The following NUMB variants were observed in gnomAD, a reference collection of about 807,000 sequenced individuals.
NUMB encodes NUMB endocytic adaptor protein, also known as protein numb homolog.
In NUMB, 29 loss-of-function variants were observed where a neutral mutation model predicts 59.7. The observed-to-expected ratio is 0.49, with a 90% CI of 0.36 to 0.66. The LOEUF (loss-of-function observed/expected upper bound fraction) is 0.66. Among genes scored for constraint, NUMB ranks in the 30% least tolerant of loss-of-function variants. The probability of loss-of-function intolerance (pLI) is 0.00; values close to 1 mark genes in which losing one functional copy is unlikely to be tolerated. For missense variants in NUMB, 723 were observed against 822.0 expected, an observed-to-expected ratio of 0.88 and a Z score of 1.47; for synonymous variants, 288 against 288.2, an observed-to-expected ratio of 1.00 and a Z score of 0.01.
intron 4 of NUMB, among the ~76,000 whole-genome samples, chr14:73,352,533 T>G (rs1295959691): frequency 2.3e-4 from 15 of 66,554 alleles, no homozygotes; most frequent in African/African-American, 7.6e-4. Context: ...TATATATGTT[T>G]TTTTTTTTTT....
chr14:73,310,429 A>T (rs1480124636), intron 6 of NUMB, among the ~76,000 whole-genome samples: 2 of 152,210 alleles, frequency 1.3e-5, no homozygotes, highest in Non-Finnish European at 2.9e-5. Context: ...ATGTTTGTGG[A>T]AGTATTCAGG....
Position 73,282,480 on chromosome 14 carries a change from C to G in NUMB, c.975G>C (p.Glu325Asp). 1 of 1,614,000 alleles carries G rather than the reference C, an allele frequency of 6.2e-7. No homozygotes were observed. Among genetic ancestry groups the G allele is most frequent in the Non-Finnish European group, 8.5e-7 (1 of 1,179,966 alleles). ...TCTGTGAGCACAGGGAGCTGATGCT[C>G]TCTGCCTCCCCTTCTACTTCTGGCA... is the stretch of plus-strand genomic sequence containing the variant. ...NAVPEVEGEA[E>D]SISSLCSQIT... Residue 325 changes from glutamate (E) to aspartate (D), a missense_variant, in exon 11 of 13, where the codon GAG becomes GAC. Physicochemically the swap from Glu to Asp is conservative, Grantham distance 45. Transcript: ENST00000555238.
intron 5 of NUMB, among the ~76,000 whole-genome samples, chr14:73,318,498 C>A (rs1891203401): frequency 6.6e-6 from 1 of 152,110 alleles, no homozygotes; most frequent in Non-Finnish European, 1.5e-5. Context: ...GAGGGAGAGA[C>A]ATTTAAGAAA....
In NUMB at chr14:73,408,892, AG is replaced by A. The variant is rs201092143; in HGVS notation, c.-101+1044del. On this transcript the variant is annotated intron_variant, in intron 2 of 12. Coordinates refer to ENST00000555238, the MANE Select transcript of NUMB (RefSeq NM_001005743.2). ...AACTCCTTCTCAAAAAAAAAAAAAA[AG>A]AAAGAAAGAAAGAAAGAAAATTCCA... Among the ~76,000 whole-genome samples the A allele has an allele frequency of 2.8e-3, 398 of 143,576 alleles. 15 individuals carry two copies. The highest frequency in any genetic ancestry group is 0.019 in the South Asian group (87 of 4,672). 94.2% of individuals were successfully genotyped at this position (143,576 alleles called of 152,430 possible). A position where few individuals can be genotyped will look rare whatever the true frequency, so the allele number is the denominator to read the frequency against.
At chr14:73,449,924 G>C (rs1883807023) in intron 1 of NUMB, among the ~76,000 whole-genome samples, 2 of 152,164 alleles carry the variant, frequency 1.3e-5, no homozygotes, top group Non-Finnish European at 2.9e-5. Flanking sequence ...CTGACCTCAG[G>C]TGATCCGCCC....
intron 4 of NUMB, among the ~76,000 whole-genome samples, chr14:73,339,539 C>T (rs1036421534): frequency 1.3e-5 from 2 of 152,126 alleles, no homozygotes; most frequent in African/African-American, 4.8e-5. Context: ...ATTTCCTAAC[C>T]ATCCCATTTT....
chr14:73,320,637 T>C (rs1891351637), intron 5 of NUMB, among the ~76,000 whole-genome samples: 1 of 152,190 alleles, frequency 6.6e-6, no homozygotes, highest in Non-Finnish European at 1.5e-5. Flanking sequence ...TATTTGATTA[T>C]GGTTATTGTA....
At chr14:73,422,140 T>TA (rs1234257146) in intron 1 of NUMB, among the ~76,000 whole-genome samples, 1 of 86,772 alleles carries the variant, frequency 1.2e-5, no homozygotes, top group Non-Finnish European at 2.2e-5. Flanking sequence ...CGAGACTTCG[T>TA]CAAAAAAAAA....
chr14:73,308,247 G>A (rs927087803), intron 6 of NUMB, among the ~76,000 whole-genome samples: 2 of 152,134 alleles, frequency 1.3e-5, no homozygotes, highest in Non-Finnish European at 2.9e-5. Context: ...TGTTGATGGA[G>A]TGGATGTAGG....
chr14:73,378,060 CAGTA>C (rs1895057076), intron 2 of NUMB, among the ~76,000 whole-genome samples: 4 of 150,734 alleles, frequency 2.7e-5, no homozygotes, highest in African/African-American at 9.7e-5. Context: ...TAAAACTTAA[CAGTA>C]AGAAAACTAA....
intron 8 of NUMB, among the ~76,000 whole-genome samples, chr14:73,288,314 A>T (rs1485523969): frequency 6.6e-6 from 1 of 152,136 alleles, no homozygotes. Flanking sequence ...GCACTTTGGG[A>T]GGCTGAGATG....
At chr14:73,347,281 T>A (rs1452687859) in intron 4 of NUMB, among the ~76,000 whole-genome samples, 1 of 152,214 alleles carries the variant, frequency 6.6e-6, no homozygotes, top group Non-Finnish European at 1.5e-5. Context: ...ATTCAAAAAA[T>A]TTTAACAGCT....
intron 1 of NUMB, among the ~76,000 whole-genome samples, chr14:73,414,042 C>G (rs1897016304): frequency 1.3e-5 from 2 of 151,778 alleles, no homozygotes; most frequent in African/African-American, 4.8e-5. Flanking sequence ...ACAACCTCCA[C>G]CTCTCGGGTT....
intron 6 of NUMB, among the ~76,000 whole-genome samples, chr14:73,301,292 T>G (rs1890115364): frequency 6.6e-6 from 1 of 152,208 alleles, no homozygotes; most frequent in East Asian, 1.9e-4. Flanking sequence ...TAGCCTGCAG[T>G]GTTCAGTATC....
chr14:73,295,859 C>G (rs980235472), intron 7 of NUMB, among the ~76,000 whole-genome samples: 2 of 152,108 alleles, frequency 1.3e-5, no homozygotes, highest in African/African-American at 4.8e-5. Context: ...GGATCACTGT[C>G]TCTCAAATGC....
At chr14:73,441,608 G>A (rs953448895) in intron 1 of NUMB, among the ~76,000 whole-genome samples, 6 of 152,060 alleles carry the variant, frequency 3.9e-5, no homozygotes, top group Non-Finnish European at 7.4e-5. Flanking sequence ...CCTGAGCTGT[G>A]ACTCACACCT....
chr14:73,304,799 G>A (rs1031949784), intron 6 of NUMB, among the ~76,000 whole-genome samples: 5 of 151,954 alleles, frequency 3.3e-5, no homozygotes, highest in African/African-American at 9.7e-5. Flanking sequence ...TTGCTCTGTC[G>A]CCCATGCTTG....
At chr14:73,419,922 G>A (rs1368093491) in intron 1 of NUMB, among the ~76,000 whole-genome samples, 4 of 152,194 alleles carry the variant, frequency 2.6e-5, no homozygotes, top group Non-Finnish European at 5.9e-5. Flanking sequence ...ATGGAGTGCA[G>A]TAGTGCCATC....
intron 3 of NUMB, among the ~76,000 whole-genome samples, chr14:73,357,658 G>C (rs775456615): frequency 2.6e-5 from 4 of 152,128 alleles, no homozygotes; most frequent in Admixed American, 6.5e-5. Flanking sequence ...AGCTACTCAG[G>C]AGGCTGAGGC....
Sources: allele counts gnomAD v4.1 joint callset (sites outside exome capture counted in the v4.1 genomes callset), GRCh38; gene constraint gnomAD v4.1.1; transcripts MANE v1.5; gene names NCBI Gene and HGNC (gene_info 2026-07-23, HGNC 2026-07-21).